Variants in SDHC observed in about 807,000 individuals in gnomAD.
The protein encoded by SDHC is succinate dehydrogenase cytochrome b560 subunit, mitochondrial.
Under a neutral mutation model 22.6 loss-of-function variants are expected in SDHC, and 11 were observed. That is an observed-to-expected ratio of 0.49 (90% CI 0.31 to 0.81). The LOEUF (loss-of-function observed/expected upper bound fraction) is 0.81, where lower values mean the gene tolerates loss of function less well. Among genes scored for constraint, SDHC ranks in the 30% least tolerant of loss-of-function variants. The probability of loss-of-function intolerance (pLI) is 0.05; values close to 1 mark genes in which losing one functional copy is unlikely to be tolerated. For synonymous variants in SDHC, 80 were observed against 77.8 expected (o/e 1.03, Z -0.15); for missense variants, 160 against 212.0 (o/e 0.75, Z 1.52).
chr1:161,353,533 A>G (rs1003145809), intron 4 of SDHC, among the ~76,000 whole-genome samples: 5 of 152,162 alleles, frequency 3.3e-5, no homozygotes, highest in African/African-American at 1.2e-4. Flanking sequence ...ATGTTCATCA[A>G]ACTGTTTGAG....
chr1:161,349,949 C>G (rs1006309618), intron 4 of SDHC, among the ~76,000 whole-genome samples: 1 of 152,116 alleles, frequency 6.6e-6, no homozygotes, highest in South Asian at 2.1e-4. Flanking sequence ...TCGCTCTTGT[C>G]TCCCAGGCTG....
intron 1 of SDHC, 50 bp downstream of exon 1, chr1:161,314,475 G>C: frequency 6.2e-7 from 1 of 1,603,012 alleles, no homozygotes; most frequent in Non-Finnish European, 8.5e-7. Context: ...CCGGAGATCT[G>C]AACTGGCCCC....
intron 3 of SDHC, among the ~76,000 whole-genome samples, 170 bp downstream of exon 3, chr1:161,328,667 C>T (rs973317867): frequency 1.3e-5 from 2 of 152,154 alleles, no homozygotes; most frequent in African/African-American, 4.8e-5. Context: ...TTATCTTACA[C>T]CTTTTTTATG....
intron 4 of SDHC, among the ~76,000 whole-genome samples, chr1:161,351,018 C>T (rs1198570997): frequency 6.6e-6 from 1 of 152,096 alleles, no homozygotes; most frequent in African/African-American, 2.4e-5. Context: ...GGCCAAGGAA[C>T]CAAATATTCA....
intron 4 of SDHC, among the ~76,000 whole-genome samples, chr1:161,346,220 A>G (rs764288765): frequency 1.3e-5 from 2 of 152,232 alleles, no homozygotes; most frequent in African/African-American, 4.8e-5. Context: ...TTTATTTACT[A>G]AATGAACATA....
rs200097124 is a variant in SDHC, at chr1:161,326,561, AAAT to A, written c.78-1833_78-1831del. ...TCTCTTTCTCTCTCTTTTTTTTTTTAAATATATATATATATATATTAGGTCTTT... is the reference window on the plus strand; with the variant it reads ...TCTCTTTCTCTCTCTTTTTTTTTTTAATATATATATATATATTAGGTCTTT... On this transcript the variant is annotated intron_variant, in intron 2 of 5. Transcript: ENST00000367975. 6.6e-3 allele frequency: 881 copies of A among 134,256 alleles called. 4 individuals are homozygous for A. Among genetic ancestry groups the A allele is most frequent in the African/African-American group, 0.022 (830 of 37,130 alleles). 8.3% of individuals were successfully genotyped at this position (134,256 alleles called of 1,614,324 possible). A position where few individuals can be genotyped will look rare whatever the true frequency, so the allele number is the denominator to read the frequency against.
intron 4 of SDHC, among the ~76,000 whole-genome samples, chr1:161,350,901 A>T (rs1369623005): frequency 2.6e-5 from 4 of 152,118 alleles, no homozygotes; most frequent in Admixed American, 6.6e-5. Context: ...TTGGCTCCTT[A>T]GGCATTTGGG....
intron 2 of SDHC, among the ~76,000 whole-genome samples, chr1:161,326,206 A>T (rs1671039596): frequency 7.0e-6 from 1 of 143,646 alleles, no homozygotes; most frequent in South Asian, 2.2e-4. Flanking sequence ...ATCTCAAATT[A>T]AAAAAAAAAA....
In SDHC at chr1:161,362,488, T is replaced by C. The variant is rs774978488; in HGVS notation, c.*55T>C. ...ACACATTATTACATTCACCCATCTT[T>C]CTGTTTGTCATTCTTATCTCCAGCC... On this transcript the variant is annotated 3_prime_UTR_variant, in exon 6 of 6. Transcript: ENST00000367975. The C allele has an allele frequency of 1.9e-6, 3 of 1,611,784 alleles. No individual in the cohort carries two copies. The highest frequency in any genetic ancestry group is 1.1e-5 in the South Asian group (1 of 90,906).
intron 3 of SDHC, among the ~76,000 whole-genome samples, chr1:161,331,179 G>T (rs1671258618): frequency 6.6e-6 from 1 of 152,068 alleles, no homozygotes; most frequent in Non-Finnish European, 1.5e-5. Flanking sequence ...CGCCTTTTAT[G>T]TGACTAAATA....
At chr1:161,314,630 C>T (rs1415354040) in intron 1 of SDHC, 6 of 619,198 alleles carry the variant, frequency 9.7e-6, no homozygotes, top group Non-Finnish European at 1.7e-5. Context: ...TTCGGGGTCA[C>T]TGACTTCGTA....
chr1:161,321,797 A>G (rs1472644703), intron 1 of SDHC, among the ~76,000 whole-genome samples: 2 of 152,244 alleles, frequency 1.3e-5, no homozygotes, highest in East Asian at 1.9e-4. Context: ...TTAGAAGATC[A>G]TTAGATCTGT....
chr1:161,338,022 C>T (rs1450018572), intron 3 of SDHC, among the ~76,000 whole-genome samples: 1 of 152,220 alleles, frequency 6.6e-6, no homozygotes, highest in Non-Finnish European at 1.5e-5. Flanking sequence ...TGTCAGAATA[C>T]AATTTTAAAA....
chr1:161,318,599 G>T (rs1670715220), intron 1 of SDHC, among the ~76,000 whole-genome samples: 2 of 152,220 alleles, frequency 1.3e-5, no homozygotes, highest in Admixed American at 1.3e-4. Flanking sequence ...TGCCGTATGT[G>T]AAATGCCCCT....
At position 161,362,622 on chromosome 1, in the gene SDHC, T is replaced by G; in HGVS notation, c.*189T>G. On this transcript the variant is annotated 3_prime_UTR_variant, in exon 6 of 6. Transcript: ENST00000367975. ...AGTGGAAAAGGGTCTAGTTTTCCCC[T>G]TGTTTCTAAAGATGAGGTGGCTGCA... 1.3e-6 allele frequency: 2 copies of G among 1,589,498 alleles called. No individual in the cohort carries two copies. Among genetic ancestry groups the G allele is most frequent in the Non-Finnish European group, 1.7e-6 (2 of 1,167,108 alleles).
At chr1:161,347,759 G>A (rs1671951902) in intron 4 of SDHC, among the ~76,000 whole-genome samples, 1 of 151,992 alleles carries the variant, frequency 6.6e-6, no homozygotes, top group Non-Finnish European at 1.5e-5. Flanking sequence ...CCAGATACTT[G>A]GGAGGCTGAG....
rs569390586 is a variant in SDHC at position 161,346,583 on chromosome 1, A to G, written c.241+5928A>G. On this transcript the variant is annotated intron_variant, in intron 4 of 5. Coordinates refer to ENST00000367975, the MANE Select transcript of SDHC (RefSeq NM_003001.5). ...CTGGCTAATTTTGTATTTTTAGTAG[A>G]GGCAGGGTTTCTCCATGTTGGTCAG... Among the ~76,000 whole-genome samples the G allele has an allele frequency of 3.3e-5, 5 of 152,182 alleles. No homozygotes were observed. In the South Asian group the frequency reaches 1.0e-3, roughly 32 times the overall value.
At chr1:161,328,610 A>G in intron 3 of SDHC, 113 bp downstream of exon 3, 10 of 757,572 alleles carry the variant, frequency 1.3e-5, no homozygotes, top group Non-Finnish European at 2.4e-5. Context: ...AAATACTGCT[A>G]TGTAGATGAG....
Position 161,362,771 on chromosome 1 carries a change from A to G in SDHC, c.*338A>G. The stretch of plus-strand genomic sequence containing the variant: ...TGGCTCCTTCTTCCTGAGACAGTGG[A>G]AACAATGCCAGCTCTGTGGCTTCTG... On this transcript the variant is annotated 3_prime_UTR_variant, in exon 6 of 6. Coordinates refer to ENST00000367975, the MANE Select transcript of SDHC (RefSeq NM_003001.5). The G allele has an allele frequency of 1.9e-6, 1 of 539,664 alleles. No homozygotes were observed. The allele number at this position is 539,664 out of a possible 1,614,324, so 33.4% of individuals were successfully genotyped here.
Sources: gnomAD v4.1 joint callset for allele counts (sites outside exome capture counted in the v4.1 genomes callset) on GRCh38, gnomAD v4.1.1 for gene constraint, MANE v1.5 for transcripts, NCBI Gene and HGNC (gene_info 2026-07-23, HGNC 2026-07-21) for gene names.